The following GPC5 variants were observed in gnomAD, a reference collection of about 807,000 sequenced individuals.
GPC5 encodes glypican-5.
Under a neutral mutation model 53.9 loss-of-function variants are expected in GPC5, and 47 were observed. The ratio of observed to expected loss-of-function variants is 0.87; its 90% confidence interval spans 0.69 to 1.11. The LOEUF is 1.11. Ranked by LOEUF, GPC5 falls within the 50% of genes most tolerant of loss-of-function variation. The pLI, the probability that GPC5 is intolerant of heterozygous loss-of-function variation, is 0.00. For synonymous variants in GPC5, 286 were observed against 263.3 expected (o/e 1.09, Z -0.84); for missense variants, 748 against 713.1 (o/e 1.05, Z -0.56).
At chr13:92,137,498 C>G (rs1029315450) in intron 6 of GPC5, among the ~76,000 whole-genome samples, 2 of 152,160 alleles carry the variant, frequency 1.3e-5, no homozygotes, top group African/African-American at 4.8e-5. Flanking sequence ...CTGGTTATAA[C>G]GATCTTAATG....
chr13:92,260,954 T>C (rs1242245923), intron 7 of GPC5, among the ~76,000 whole-genome samples: 1 of 152,126 alleles, frequency 6.6e-6, no homozygotes, highest in Non-Finnish European at 1.5e-5. Flanking sequence ...ACCTCAAAGG[T>C]CAGTTGTTAT....
chr13:92,520,270 C>T (rs1230918124), intron 7 of GPC5, among the ~76,000 whole-genome samples: 1 of 152,140 alleles, frequency 6.6e-6, no homozygotes, highest in Non-Finnish European at 1.5e-5. Context: ...TCCTCCCTAA[C>T]TCATTTTAAG....
chr13:92,300,312 C>T (rs1449075465), intron 7 of GPC5, among the ~76,000 whole-genome samples: 1 of 152,134 alleles, frequency 6.6e-6, no homozygotes, highest in Admixed American at 6.5e-5. Flanking sequence ...CTCTCCAATT[C>T]CACCTTTTTA....
chr13:91,830,007 G>C (rs1305303420), intron 5 of GPC5, among the ~76,000 whole-genome samples: 1 of 152,040 alleles, frequency 6.6e-6, no homozygotes, highest in East Asian at 1.9e-4. Context: ...CAGGAGACAG[G>C]GTTTTGAGAG....
intron 4 of GPC5, among the ~76,000 whole-genome samples, chr13:91,733,293 C>T (rs1271488014): frequency 2.6e-5 from 4 of 152,076 alleles, no homozygotes; most frequent in Admixed American, 6.5e-5. Context: ...CACCACCACA[C>T]CTGGCTAATT....
At chr13:91,892,203 ATCTAGTCAT>A (rs1410582019) in intron 5 of GPC5, among the ~76,000 whole-genome samples, 3 of 151,942 alleles carry the variant, frequency 2.0e-5, no homozygotes, top group Admixed American at 2.0e-4. Context: ...ACAATAACAT[ATCTAGTCAT>A]TTTACTTCAG....
intron 7 of GPC5, among the ~76,000 whole-genome samples, chr13:92,409,676 G>T (rs907166596): frequency 6.6e-6 from 1 of 151,612 alleles, no homozygotes; most frequent in Non-Finnish European, 1.5e-5. Context: ...TTGTTTCAAA[G>T]AATCTATCCT....
intron 7 of GPC5, among the ~76,000 whole-genome samples, chr13:92,843,157 A>G (rs1283165397): frequency 2.0e-5 from 3 of 152,184 alleles, no homozygotes; most frequent in Admixed American, 2.0e-4. Flanking sequence ...ATATACTTCT[A>G]TGTCATAGTT....
intron 2 of GPC5, among the ~76,000 whole-genome samples, chr13:91,624,922 G>C (rs185103943): frequency 2.0e-5 from 3 of 151,758 alleles, no homozygotes; most frequent in African/African-American, 7.2e-5. Flanking sequence ...TTCAGTCAAT[G>C]ACCCAAGAAA....
chr13:91,612,728 A>G (rs1014117483), intron 2 of GPC5, among the ~76,000 whole-genome samples: 1 of 152,220 alleles, frequency 6.6e-6, no homozygotes, highest in African/African-American at 2.4e-5. Flanking sequence ...ATTCTTGAGT[A>G]TTAAGTTGAT....
intron 2 of GPC5, among the ~76,000 whole-genome samples, chr13:91,689,723 T>C (rs1215717277): frequency 6.6e-6 from 1 of 152,108 alleles, no homozygotes. Context: ...TATCACCGTC[T>C]TCCGCCTCCA....
intron 7 of GPC5, among the ~76,000 whole-genome samples, chr13:92,254,896 C>T (rs1431969213): frequency 6.6e-6 from 1 of 152,074 alleles, no homozygotes. Context: ...ATTCAGATTA[C>T]AATTCAAGAT....
At chr13:92,233,484 A>C (rs1314683863) in intron 7 of GPC5, among the ~76,000 whole-genome samples, 1 of 152,198 alleles carries the variant, frequency 6.6e-6, no homozygotes, top group East Asian at 1.9e-4. Context: ...TGGGGAGAAG[A>C]ATATATTCTC....
intron 7 of GPC5, among the ~76,000 whole-genome samples, chr13:92,627,216 T>C (rs569885986): frequency 2.0e-5 from 3 of 152,314 alleles, no homozygotes; most frequent in South Asian, 2.1e-4. Context: ...TTCTAACAGA[T>C]TGGTTCCAGA....
chr13:92,267,533 CATT>C (rs2042811032), intron 7 of GPC5, among the ~76,000 whole-genome samples: 1 of 152,100 alleles, frequency 6.6e-6, no homozygotes, highest in Non-Finnish European at 1.5e-5. Context: ...GGTTACTCCT[CATT>C]ATACAGTTTC....
At chr13:91,619,801 T>G (rs1053918355) in intron 2 of GPC5, among the ~76,000 whole-genome samples, 1 of 152,162 alleles carries the variant, frequency 6.6e-6, no homozygotes, top group African/African-American at 2.4e-5. Flanking sequence ...TCTTTTCCAG[T>G]CTGATCTATG....
intron 4 of GPC5, among the ~76,000 whole-genome samples, chr13:91,749,839 G>A (rs567274660): frequency 6.5e-4 from 99 of 152,244 alleles, no homozygotes; most frequent in African/African-American, 2.3e-3. Context: ...ACAGAGTCTC[G>A]CTGCTCTATA....
At chr13:91,824,255 GAA>G (rs2038540832) in intron 5 of GPC5, among the ~76,000 whole-genome samples, 1 of 151,954 alleles carries the variant, frequency 6.6e-6, no homozygotes, top group Non-Finnish European at 1.5e-5. Context: ...TGGATAAAGA[GAA>G]AGACAGAAAG....
At chr13:92,288,780 A>G (rs2042974324) in intron 7 of GPC5, among the ~76,000 whole-genome samples, 1 of 152,198 alleles carries the variant, frequency 6.6e-6, no homozygotes, top group Admixed American at 6.5e-5. Flanking sequence ...AAAATAGTAT[A>G]TAACACACTT....
Sources: gnomAD v4.1 joint callset for allele counts (sites outside exome capture counted in the v4.1 genomes callset) on GRCh38, gnomAD v4.1.1 for gene constraint, MANE v1.5 for transcripts, NCBI Gene and HGNC (gene_info 2026-07-23, HGNC 2026-07-21) for gene names.